MECOM: variants seen among roughly 807,000 people sequenced by gnomAD.
MECOM encodes the protein MDS1 and EVI1 complex locus.
In MECOM, 13 loss-of-function variants were observed where a neutral mutation model predicts 116.3. The observed-to-expected ratio is 0.11, with a 90% CI of 0.07 to 0.18. The LOEUF is 0.18. MECOM is among the 10% of genes least tolerant of loss of function. The pLI, the probability that MECOM is intolerant of heterozygous loss-of-function variation, is 1.00. For synonymous variants in MECOM, 528 were observed against 535.2 expected, an observed-to-expected ratio of 0.99 and a Z score of 0.19; for missense variants, 1,299 against 1,509.0, an observed-to-expected ratio of 0.86 and a Z score of 2.31.
rs548930527 is a variant in MECOM at position 169,587,055 on chromosome 3, T to A, written c.37+76281A>T. ...CCTAATAACAGCAGTGCAGTTATTA[T>A]CCCCACCTTTCCAGATGCGGGAACT... On this transcript the variant is annotated intron_variant, in intron 1 of 16. Transcript: ENST00000651503. Among the ~76,000 whole-genome samples the A allele has an allele frequency of 8.5e-5, 13 of 152,286 alleles. No individual in the cohort carries two copies. In the South Asian group the frequency reaches 2.3e-3, roughly 27 times the overall value.
intron 16 of MECOM, among the ~76,000 whole-genome samples, chr3:169,085,252 G>A (rs897251849): frequency 7.9e-5 from 12 of 152,130 alleles, no homozygotes; most frequent in South Asian, 4.1e-4. Flanking sequence ...AGTGACACAC[G>A]CTACAGAACC....
intron 2 of MECOM, among the ~76,000 whole-genome samples, chr3:169,354,653 G>T (rs1726935936): frequency 6.6e-6 from 1 of 151,846 alleles, no homozygotes. Flanking sequence ...GTGTTTTATG[G>T]CTAATCATAG....
chr3:169,270,145 A>G (rs1262454384), intron 2 of MECOM, among the ~76,000 whole-genome samples: 6 of 152,164 alleles, frequency 3.9e-5, no homozygotes, highest in Admixed American at 6.5e-5. Context: ...TCCCGGTAAG[A>G]AAGGGACAGT....
chr3:169,322,685 T>C (rs1305393140), intron 2 of MECOM, among the ~76,000 whole-genome samples: 1 of 151,900 alleles, frequency 6.6e-6, no homozygotes, highest in Non-Finnish European at 1.5e-5. Flanking sequence ...AGGTAAATGA[T>C]ACCAATTCAT....
chr3:169,322,947 C>G (rs1721143644), intron 2 of MECOM, among the ~76,000 whole-genome samples: 1 of 124,506 alleles, frequency 8.0e-6, no homozygotes, highest in African/African-American at 3.1e-5. Flanking sequence ...TTGCAGTGAG[C>G]TGAGATTGCA....
At chr3:169,505,064 C>T (rs1318905865) in intron 1 of MECOM, among the ~76,000 whole-genome samples, 1 of 152,098 alleles carries the variant, frequency 6.6e-6, no homozygotes, top group African/African-American at 2.4e-5. Context: ...TATGTTGTTG[C>T]ATGAATAGCA....
At chr3:169,120,145 G>C (rs1392107290) in intron 7 of MECOM, among the ~76,000 whole-genome samples, 3 of 152,186 alleles carry the variant, frequency 2.0e-5, no homozygotes, top group Admixed American at 1.3e-4. Context: ...TCCAAAATCA[G>C]TCTTGACGTT....
intron 1 of MECOM, among the ~76,000 whole-genome samples, chr3:169,644,939 G>C (rs1189485569): frequency 6.6e-6 from 1 of 152,086 alleles, no homozygotes; most frequent in Non-Finnish European, 1.5e-5. Flanking sequence ...TACTGACTTA[G>C]TCCTCTCTTT....
At chr3:169,311,945 T>C (rs1215968735) in intron 2 of MECOM, among the ~76,000 whole-genome samples, 1 of 152,180 alleles carries the variant, frequency 6.6e-6, no homozygotes, top group East Asian at 1.9e-4. Flanking sequence ...AGGGACTATT[T>C]GGAGTGTTTG....
chr3:169,279,181 C>T (rs1025191548), intron 2 of MECOM, among the ~76,000 whole-genome samples: 19 of 152,212 alleles, frequency 1.2e-4, no homozygotes, highest in African/African-American at 3.9e-4. Context: ...CTCACATCAA[C>T]CACCACCATA....
At chr3:169,516,294 A>C (rs7627381) in intron 1 of MECOM, among the ~76,000 whole-genome samples, 2 of 151,902 alleles carry the variant, frequency 1.3e-5, no homozygotes, top group African/African-American at 4.8e-5. Context: ...AATACGTGAA[A>C]AGTTTTCATA....
intron 1 of MECOM, among the ~76,000 whole-genome samples, chr3:169,607,786 G>A (rs1047350599): frequency 3.3e-5 from 5 of 152,164 alleles, no homozygotes; most frequent in Admixed American, 6.5e-5. Flanking sequence ...ATAAACACTC[G>A]TAGAATAAAA....
chr3:169,543,544 G>T (rs1331007828), intron 1 of MECOM, among the ~76,000 whole-genome samples: 1 of 152,146 alleles, frequency 6.6e-6, no homozygotes, highest in Admixed American at 6.5e-5. Context: ...GGTGACACTT[G>T]CTCTGGGTGA....
At chr3:169,324,560 G>A (rs1721516522) in intron 2 of MECOM, among the ~76,000 whole-genome samples, 1 of 152,198 alleles carries the variant, frequency 6.6e-6, no homozygotes, top group Non-Finnish European at 1.5e-5. Context: ...ATTTGACAAA[G>A]GAACAAACTG....
chr3:169,337,532 A>G (rs1214605402), intron 2 of MECOM, among the ~76,000 whole-genome samples: 5 of 152,190 alleles, frequency 3.3e-5, no homozygotes, highest in Non-Finnish European at 7.3e-5. Context: ...GCCCTGATAC[A>G]AACCCCTAGG....
intron 2 of MECOM, among the ~76,000 whole-genome samples, chr3:169,218,437 C>T (rs1751688095): frequency 6.6e-6 from 1 of 152,118 alleles, no homozygotes; most frequent in Non-Finnish European, 1.5e-5. Context: ...AATAATGCCA[C>T]AGCTTGGGTG....
chr3:169,104,064 C>T (rs74848923), intron 10 of MECOM, among the ~76,000 whole-genome samples: 3,267 of 152,192 alleles, frequency 0.021, 65 homozygotes, highest in Non-Finnish European at 0.027. Context: ...GTGAACGCAT[C>T]GGGAGGCAGT....
intron 1 of MECOM, among the ~76,000 whole-genome samples, chr3:169,418,134 A>G (rs1739039065): frequency 6.6e-6 from 1 of 151,990 alleles, no homozygotes; most frequent in South Asian, 2.1e-4. Context: ...ACAAAAAAAA[A>G]AAAAGAAAAT....
chr3:169,165,264 T>C (rs1743411624), intron 2 of MECOM, among the ~76,000 whole-genome samples: 1 of 152,186 alleles, frequency 6.6e-6, no homozygotes, highest in Admixed American at 6.6e-5. Context: ...TGAGCATTCA[T>C]TCTAGTGAAA....
Sources: allele counts gnomAD v4.1 joint callset (sites outside exome capture counted in the v4.1 genomes callset), GRCh38; gene constraint gnomAD v4.1.1; transcripts MANE v1.5; gene names NCBI Gene and HGNC (gene_info 2026-07-23, HGNC 2026-07-21).